The following NYAP2 variants were observed in gnomAD, a reference collection of about 807,000 sequenced individuals.
NYAP2 encodes neuronal tyrosine-phosphorylated phosphoinositide-3-kinase adapter 2.
NYAP2 carries 23 observed loss-of-function variants against 50.4 expected under a neutral mutation model. The observed-to-expected ratio is 0.46, with a 90% CI of 0.33 to 0.65. The LOEUF (loss-of-function observed/expected upper bound fraction) is 0.65. Ranked by LOEUF, NYAP2 falls within the 30% of genes least tolerant of loss-of-function variation. The probability of loss-of-function intolerance (pLI) is 0.02; values close to 1 mark genes in which losing one functional copy is unlikely to be tolerated. For missense variants in NYAP2, 885 were observed against 861.0 expected, an observed-to-expected ratio of 1.03 and a Z score of -0.35; for synonymous variants, 394 against 365.2, an observed-to-expected ratio of 1.08 and a Z score of -0.90.
the NYAP2 span, among the ~76,000 whole-genome samples, chr2:225,681,818 C>A: frequency 2.0e-5 from 3 of 152,262 alleles, no homozygotes; most frequent in South Asian, 6.2e-4. Context: ...TCCCTTTGGG[C>A]ATGTTTCTTA....
intron 3 of NYAP2, among the ~76,000 whole-genome samples, chr2:225,446,505 A>G (rs1305908364): frequency 6.6e-6 from 1 of 152,026 alleles, no homozygotes; most frequent in Non-Finnish European, 1.5e-5. Context: ...AGAAAGTGTT[A>G]TGAAGTTGCA....
At chr2:225,695,903 T>C in the NYAP2 span, among the ~76,000 whole-genome samples, 2 of 151,906 alleles carry the variant, frequency 1.3e-5, no homozygotes, top group Admixed American at 6.6e-5. Flanking sequence ...ATACAGCCCA[T>C]TTTTTCAAGG....
the NYAP2 span, among the ~76,000 whole-genome samples, chr2:225,662,209 G>C: frequency 6.6e-6 from 1 of 152,242 alleles, no homozygotes; most frequent in Non-Finnish European, 1.5e-5. Context: ...AAGTTGACAT[G>C]AGGTTGGGAA....
At chr2:225,516,846 C>A (rs1690943797) in intron 4 of NYAP2, among the ~76,000 whole-genome samples, 1 of 152,100 alleles carries the variant, frequency 6.6e-6, no homozygotes, top group Admixed American at 6.6e-5. Flanking sequence ...AACAGTATAA[C>A]AAACATAAAA....
intron 6 of NYAP2, among the ~76,000 whole-genome samples, chr2:225,630,522 T>A (rs545804773): frequency 6.6e-6 from 1 of 152,286 alleles, no homozygotes; most frequent in South Asian, 2.1e-4. Context: ...AATCTCTGAG[T>A]GAAGGAAAAT....
At chr2:225,653,297 T>C (rs1418755661) in exon 7 of NYAP2, 2 of 152,218 alleles carry the variant, frequency 1.3e-5, no homozygotes, top group African/African-American at 4.8e-5. Context: ...TTTGTTTTGT[T>C]TTGCTTTTTT....
intron 3 of NYAP2, among the ~76,000 whole-genome samples, chr2:225,442,042 C>T (rs1689478295): frequency 6.6e-6 from 1 of 152,206 alleles, no homozygotes; most frequent in Non-Finnish European, 1.5e-5. Flanking sequence ...GTGCGGCATT[C>T]TCAAGTCTGT....
intron 3 of NYAP2, among the ~76,000 whole-genome samples, chr2:225,420,692 C>G (rs995966534): frequency 4.9e-4 from 74 of 151,590 alleles, no homozygotes; most frequent in Non-Finnish European, 8.8e-4. Context: ...CTCACTGCAA[C>G]CTCTACCTCC....
intron 3 of NYAP2, among the ~76,000 whole-genome samples, chr2:225,506,361 G>A (rs185577892): frequency 6.6e-6 from 1 of 150,998 alleles, no homozygotes; most frequent in Admixed American, 6.6e-5. Flanking sequence ...ATGATGAATT[G>A]TATGACAAGT....
intron 4 of NYAP2, among the ~76,000 whole-genome samples, chr2:225,574,191 G>A (rs895204962): frequency 9.9e-5 from 15 of 152,276 alleles, no homozygotes; most frequent in African/African-American, 3.4e-4. Context: ...ATATGCAAAG[G>A]CTTTGAATTA....
the NYAP2 span, among the ~76,000 whole-genome samples, chr2:225,676,760 G>C: frequency 6.6e-6 from 1 of 152,058 alleles, no homozygotes. Flanking sequence ...AGATTTTGTT[G>C]GGGACACAGA....
intron 3 of NYAP2, among the ~76,000 whole-genome samples, chr2:225,412,873 C>T (rs898340433): frequency 1.3e-5 from 2 of 152,132 alleles, no homozygotes; most frequent in African/African-American, 4.8e-5. Context: ...CACACTCAGA[C>T]CTCACCTCAA....
At chr2:225,659,901 A>G in the NYAP2 span, among the ~76,000 whole-genome samples, 1 of 152,190 alleles carries the variant, frequency 6.6e-6, no homozygotes, top group Non-Finnish European at 1.5e-5. Context: ...TTCTAAAGAG[A>G]AAAGTAGTTC....
intron 3 of NYAP2, among the ~76,000 whole-genome samples, chr2:225,435,812 A>G (rs1262331610): frequency 6.6e-6 from 1 of 152,222 alleles, no homozygotes. Flanking sequence ...TATTTACTAC[A>G]TGATCATGAA....
intron 3 of NYAP2, among the ~76,000 whole-genome samples, chr2:225,441,742 G>C (rs1404652294): frequency 6.6e-6 from 1 of 152,134 alleles, no homozygotes; most frequent in African/African-American, 2.4e-5. Flanking sequence ...CTCCCACCAG[G>C]TCCTTCCCTC....
rs376660568 is a variant in NYAP2, at chr2:225,582,316, C to A, written c.899C>A (p.Thr300Lys). The change falls in exon 5 of 7, where the codon ACG (threonine) becomes AAG (lysine). Residue 300 changes from threonine to lysine, a missense_variant. Coordinates refer to ENST00000636099, the Ensembl canonical transcript of NYAP2. This position sits in a 1 kb window ranked among gnomAD's most constrained non-coding sequence, Gnocchi z 7.0. ...TGTTCTTCGCAGTGTGCTACTCCCACGGTGCCTGACTTGGACTTCGCCAAG... is the reference window on the plus strand; with the variant it reads ...TGTTCTTCGCAGTGTGCTACTCCCAAGGTGCCTGACTTGGACTTCGCCAAG... 2.5e-6 allele frequency: 4 copies of A among 1,613,904 alleles called. No homozygotes were observed. Among genetic ancestry groups the A allele is most frequent in the Non-Finnish European group, 3.4e-6 (4 of 1,179,892 alleles).
intron 6 of NYAP2, among the ~76,000 whole-genome samples, chr2:225,646,277 C>T (rs1027509155): frequency 6.6e-6 from 1 of 152,162 alleles, no homozygotes; most frequent in Non-Finnish European, 1.5e-5. Flanking sequence ...GCTGGCTGGG[C>T]ACGGTGGCTC....
chr2:225,553,510 G>T (rs1002877000), intron 4 of NYAP2, among the ~76,000 whole-genome samples: 3 of 152,212 alleles, frequency 2.0e-5, no homozygotes, highest in African/African-American at 7.2e-5. Flanking sequence ...GTACAAGGGA[G>T]AAAGAGAGGA....
chr2:225,639,980 A>G (rs534170067), intron 6 of NYAP2, among the ~76,000 whole-genome samples: 6 of 152,186 alleles, frequency 3.9e-5, no homozygotes, highest in Non-Finnish European at 8.8e-5. Flanking sequence ...GGCAGAGAAG[A>G]AGCTAAGAAC....
Sources: gnomAD v4.1 joint callset for allele counts (sites outside exome capture counted in the v4.1 genomes callset) on GRCh38, gnomAD v4.1.1 for gene constraint, Gnocchi (gnomAD v3.1) non-coding constraint, MANE v1.5 for transcripts, NCBI Gene and HGNC (gene_info 2026-07-23, HGNC 2026-07-21) for gene names.